Variants in MRPL48 observed in about 807,000 individuals in gnomAD.
The protein encoded by MRPL48 is mitochondrial ribosomal protein L48.
In MRPL48, 16 loss-of-function variants were observed where a neutral mutation model predicts 32.9. The ratio of observed to expected loss-of-function variants is 0.49; its 90% CI spans 0.33 to 0.74. The LOEUF (loss-of-function observed/expected upper bound fraction) is 0.74, where lower values mean the gene tolerates loss of function less well. Among genes scored for constraint, MRPL48 ranks in the 30% least tolerant of loss-of-function variants. MRPL48 has a pLI of 0.02. For missense variants in MRPL48, 206 were observed against 245.3 expected (o/e 0.84, Z 1.07); for synonymous variants, 94 against 89.2 (o/e 1.05, Z -0.31).
chr11:73,858,811 A>T (rs528263115), intron 5 of MRPL48, among the ~76,000 whole-genome samples: 1 of 152,338 alleles, frequency 6.6e-6, no homozygotes, highest in African/African-American at 2.4e-5. Context: ...ATAGGCCTAG[A>T]TGGTTATCTT....
intron 1 of MRPL48, among the ~76,000 whole-genome samples, chr11:73,788,647 T>C (rs1947094066): frequency 6.6e-6 from 1 of 151,992 alleles, no homozygotes; most frequent in Admixed American, 6.6e-5. Context: ...CTAATTTTTG[T>C]ATTTTTAGTA....
At chr11:73,806,516 T>G (rs1242054496) in intron 2 of MRPL48, among the ~76,000 whole-genome samples, 1 of 152,076 alleles carries the variant, frequency 6.6e-6, no homozygotes, top group Non-Finnish European at 1.5e-5. Flanking sequence ...CTTTGCTTTT[T>G]CTTTATAGCA....
chr11:73,852,461 G>A (rs965527537), intron 5 of MRPL48, among the ~76,000 whole-genome samples: 45 of 148,900 alleles, frequency 3.0e-4, no homozygotes, highest in African/African-American at 1.0e-3. Flanking sequence ...CTGAATAGAC[G>A]TTTCTTAAAA....
chr11:73,863,401 A>T, intron 7 of MRPL48, 140 bp downstream of exon 7: 1 of 725,284 alleles, frequency 1.4e-6, no homozygotes, highest in Non-Finnish European at 2.3e-6. Flanking sequence ...AAAGTTGTAC[A>T]CTCTGATGAC....
chr11:73,823,391 T>C (rs1298716501), intron 3 of MRPL48, among the ~76,000 whole-genome samples: 2 of 152,178 alleles, frequency 1.3e-5, no homozygotes, highest in South Asian at 2.1e-4. Flanking sequence ...CACATACATA[T>C]AGATACACAC....
intron 1 of MRPL48, among the ~76,000 whole-genome samples, chr11:73,796,293 C>G (rs568902861): frequency 5.0e-4 from 76 of 152,378 alleles, no homozygotes; most frequent in African/African-American, 1.7e-3. Context: ...CCCCAGCCCT[C>G]GCAGGCTCAG....
At chr11:73,830,864 T>TC (rs921509141) in intron 4 of MRPL48, among the ~76,000 whole-genome samples, 1 of 152,024 alleles carries the variant, frequency 6.6e-6, no homozygotes, top group Non-Finnish European at 1.5e-5. Flanking sequence ...TTTCTTTCTT[T>TC]TTTTTTTGAG....
intron 5 of MRPL48, 172 bp downstream of exon 5, chr11:73,845,148 T>C: frequency 1.7e-6 from 1 of 588,540 alleles, no homozygotes; most frequent in Non-Finnish European, 2.6e-6. Context: ...AAAAGTTCTT[T>C]GGTGCCCTGG....
intron 1 of MRPL48, among the ~76,000 whole-genome samples, chr11:73,790,983 T>A (rs2134921758): frequency 6.7e-6 from 1 of 148,320 alleles, no homozygotes; most frequent in Middle Eastern, 3.5e-3. Flanking sequence ...TATCCCGGGC[T>A]CAGGTGATTC....
chr11:73,826,473 AC>A (rs1278096969), intron 4 of MRPL48, among the ~76,000 whole-genome samples: 1 of 151,716 alleles, frequency 6.6e-6, no homozygotes, highest in Non-Finnish European at 1.5e-5. Context: ...TATAACTGAT[AC>A]TTTTTTGTTT....
intron 5 of MRPL48, 50 bp downstream of exon 5, chr11:73,845,026 C>A: frequency 6.5e-7 from 1 of 1,542,120 alleles, no homozygotes; most frequent in South Asian, 1.3e-5. Flanking sequence ...GTAGAATGCT[C>A]TGTTTTTTTG....
intron 6 of MRPL48, 30 bp from the exon 7 acceptor site, chr11:73,863,142 C>T: frequency 6.4e-7 from 1 of 1,552,632 alleles, no homozygotes; most frequent in Non-Finnish European, 8.7e-7. Flanking sequence ...GCTCCTCCCA[C>T]CTCTTAGAGC....
intron 1 of MRPL48, among the ~76,000 whole-genome samples, chr11:73,802,989 A>T (rs951334844): frequency 4.6e-5 from 7 of 152,266 alleles, no homozygotes; most frequent in African/African-American, 1.4e-4. Context: ...TAGCCACTAC[A>T]CCTGGCTTAT....
At chr11:73,859,809 T>C (rs1254151851) in intron 5 of MRPL48, 98 bp from the exon 6 acceptor site, 18 of 963,724 alleles carry the variant, frequency 1.9e-5, no homozygotes, top group Non-Finnish European at 2.7e-5. Flanking sequence ...TTCCGGGAAC[T>C]ATTGCATGCC....
At chr11:73,845,228 G>A (rs1948268000) in intron 5 of MRPL48, 1 of 314,050 alleles carries the variant, frequency 3.2e-6, no homozygotes, top group South Asian at 9.8e-5. Context: ...TGGCCCTATT[G>A]TTTTAACTTC....
chr11:73,852,283 T>C (rs1177617254), intron 5 of MRPL48, among the ~76,000 whole-genome samples: 5 of 150,790 alleles, frequency 3.3e-5, no homozygotes, highest in Non-Finnish European at 4.4e-5. Context: ...AAATAATATG[T>C]GGTTAAGAGT....
In MRPL48 at chr11:73,793,308, G is replaced by A. The variant is rs533229978; in HGVS notation, c.21+5316G>A. On this transcript the variant is annotated intron_variant, in intron 1 of 7. Transcript: ENST00000310614. ...TTGAACTCCCGACCTCAGGTGATCC[G>A]CCCACCTTGGCCTCCCAAAGTGCTG... is the stretch of plus-strand genomic sequence containing the variant. 1.5e-4 allele frequency among the ~76,000 whole-genome samples: 23 copies of A among 152,186 alleles called. No individual in the cohort carries two copies. The East Asian group carries it at 2.9e-3, about 19-fold the overall frequency.
At chr11:73,830,909 G>A (rs1312242104) in intron 4 of MRPL48, among the ~76,000 whole-genome samples, 4 of 150,802 alleles carry the variant, frequency 2.7e-5, no homozygotes, top group South Asian at 2.1e-4. Flanking sequence ...GTGCCATCTC[G>A]GCTCACTGTA....
At chr11:73,808,947 G>A (rs1314866220) in intron 3 of MRPL48, among the ~76,000 whole-genome samples, 1 of 150,920 alleles carries the variant, frequency 6.6e-6, no homozygotes, top group Non-Finnish European at 1.5e-5. Context: ...ATAATGAGAA[G>A]GCTGTGCAGC....
Sources: gnomAD v4.1 joint callset for allele counts (sites outside exome capture counted in the v4.1 genomes callset) on GRCh38, gnomAD v4.1.1 for gene constraint, MANE v1.5 for transcripts, NCBI Gene and HGNC (gene_info 2026-07-23, HGNC 2026-07-21) for gene names.